The following TBC1D14 variants were observed in gnomAD, a reference collection of about 807,000 sequenced individuals.
TBC1D14 encodes the protein TBC1 domain family member 14.
In TBC1D14, 26 loss-of-function variants were observed where a neutral mutation model predicts 79.0. The ratio of observed to expected loss-of-function variants is 0.33; its 90% CI spans 0.24 to 0.46. The LOEUF is 0.46. Among genes scored for constraint, TBC1D14 ranks in the 20% least tolerant of loss-of-function variants. The pLI is 1.00. For synonymous variants in TBC1D14, 394 were observed against 349.9 expected (o/e 1.13, Z -1.40); for missense variants, 769 against 887.6 (o/e 0.87, Z 1.70).
At position 6,924,024 on chromosome 4, in the gene TBC1D14, G is replaced by A. The variant is rs374524981; in HGVS notation, c.635G>A (p.Arg212His). The A allele has an allele frequency of 9.3e-6, 15 of 1,614,044 alleles. No individual in the cohort carries two copies. The highest frequency in any genetic ancestry group is 5.5e-5 in the South Asian group (5 of 91,090). ...NVTLSSIKETRGLHQQDCVHE... is the reference protein window; with the variant it reads ...NVTLSSIKETHGLHQQDCVHE... ...ACCTTGAGCTCTATCAAGGAAACCC[G>A]TGGCTTACACCAGCAGGACTGTGTT... The change falls in exon 2 of 14, where the codon CGT becomes CAT. Residue 212 changes from arginine (R) to histidine (H), a missense_variant. Arg to His is a conservative substitution (Grantham distance 29, BLOSUM62 0). Coordinates refer to ENST00000409757, the MANE Select transcript of TBC1D14 (RefSeq NM_020773.3).
intron 13 of TBC1D14, among the ~76,000 whole-genome samples, chr4:7,025,646 G>A (rs750915126): frequency 6.6e-6 from 1 of 152,246 alleles, no homozygotes. Flanking sequence ...ACTGAGCCCC[G>A]TGGCCATGCC....
intron 12 of TBC1D14, among the ~76,000 whole-genome samples, chr4:7,023,295 T>TC (rs1449920806): frequency 6.6e-6 from 1 of 152,086 alleles, no homozygotes; most frequent in African/African-American, 2.4e-5. Context: ...TTGTCGTCTT[T>TC]CCCCATCCGT....
intron 13 of TBC1D14, among the ~76,000 whole-genome samples, chr4:7,027,856 ACAG>A (rs1237803372): frequency 1.6e-4 from 22 of 137,722 alleles, no homozygotes; most frequent in African/African-American, 4.7e-4. Context: ...CCACACACAC[ACAG>A]ATCACCCCCA....
intron 3 of TBC1D14, among the ~76,000 whole-genome samples, chr4:6,981,014 CTCTG>C (rs1382502190): frequency 1.4e-5 from 2 of 147,586 alleles, no homozygotes; most frequent in Non-Finnish European, 3.0e-5. Context: ...CGCGCCCGGC[CTCTG>C]TCTCTTTTTT....
At position 7,007,522 on chromosome 4, in the gene TBC1D14, A is replaced by G. The variant is rs373973612; in HGVS notation, c.1446+796A>G. ...TTGTCTGTTCTCACTGCCTTTACTC[A>G]GGTTCTCATCTTTGTGGATTTCCGT... On this transcript the variant is annotated intron_variant, in intron 9 of 13. Coordinates refer to ENST00000409757, the MANE Select transcript of TBC1D14 (RefSeq NM_020773.3). The G allele has an allele frequency of 2.4e-5, 31 of 1,288,872 alleles. No individual in the cohort carries two copies. The Middle Eastern group carries it at 1.5e-3, about 62-fold the overall frequency. The allele number at this position is 1,288,872 out of a possible 1,614,324, so 79.8% of individuals were successfully genotyped here.
chr4:6,925,370 C>T (rs1333543527), intron 2 of TBC1D14, among the ~76,000 whole-genome samples: 1 of 152,152 alleles, frequency 6.6e-6, no homozygotes, highest in Non-Finnish European at 1.5e-5. Context: ...CTGCAGTTGA[C>T]CCTGGCTGCC....
chr4:7,011,387 T>C (rs148923291), intron 11 of TBC1D14, among the ~76,000 whole-genome samples: 162 of 152,062 alleles, frequency 1.1e-3, no homozygotes, highest in African/African-American at 3.6e-3. Flanking sequence ...CTCTGCGCAG[T>C]TCAGGTGAGG....
chr4:6,958,835 C>T (rs529231490), intron 2 of TBC1D14, among the ~76,000 whole-genome samples: 2 of 152,284 alleles, frequency 1.3e-5, no homozygotes, highest in African/African-American at 4.8e-5. Context: ...CTCAAGGTGT[C>T]CGTACCCCTG....
chr4:7,022,801 A>G (rs1179106053), intron 12 of TBC1D14, among the ~76,000 whole-genome samples: 6 of 152,054 alleles, frequency 3.9e-5, no homozygotes, highest in East Asian at 3.8e-4. Context: ...GGAGACTCAC[A>G]CATAAATCTC....
chr4:6,979,058 G>A (rs1047813465), intron 3 of TBC1D14, among the ~76,000 whole-genome samples: 1 of 152,126 alleles, frequency 6.6e-6, no homozygotes, highest in Non-Finnish European at 1.5e-5. Context: ...AGTAGATTGT[G>A]AAAAGTTAAT....
At chr4:6,942,509 TC>T (rs1303919292) in intron 2 of TBC1D14, among the ~76,000 whole-genome samples, 1 of 152,250 alleles carries the variant, frequency 6.6e-6, no homozygotes, top group African/African-American at 2.4e-5. Context: ...GTTTTCCTGT[TC>T]ATTCCCCCTT....
chr4:7,005,229 G>A (rs1282564103), intron 8 of TBC1D14, among the ~76,000 whole-genome samples: 1 of 151,864 alleles, frequency 6.6e-6, no homozygotes, highest in African/African-American at 2.4e-5. Context: ...GTGAAACCCT[G>A]TCTCTACTAA....
At chr4:6,912,595 T>C (rs1723093522) in intron 1 of TBC1D14, among the ~76,000 whole-genome samples, 1 of 152,040 alleles carries the variant, frequency 6.6e-6, no homozygotes, top group Non-Finnish European at 1.5e-5. Flanking sequence ...GAAGAAGCTG[T>C]ACATTGTGGC....
intron 3 of TBC1D14, among the ~76,000 whole-genome samples, chr4:6,978,108 GA>G (rs1404149119): frequency 6.7e-6 from 1 of 149,894 alleles, no homozygotes; most frequent in Non-Finnish European, 1.5e-5. Flanking sequence ...CCCCATCCGG[GA>G]GGGAGGTGGG....
intron 7 of TBC1D14, 147 bp downstream of exon 7, chr4:7,001,398 G>C: frequency 1.4e-6 from 1 of 693,864 alleles, no homozygotes; most frequent in Non-Finnish European, 2.4e-6. Flanking sequence ...AGGAGAGAGG[G>C]GCAGTTGGGA....
intron 3 of TBC1D14, among the ~76,000 whole-genome samples, chr4:6,968,266 A>G (rs1715882554): frequency 6.6e-6 from 1 of 152,140 alleles, no homozygotes; most frequent in Admixed American, 6.6e-5. Context: ...CCCGTGCCCA[A>G]CAGTGTCCCC....
chr4:7,006,799 G>A (rs1190774480), intron 9 of TBC1D14, 73 bp downstream of exon 9: 2 of 1,443,570 alleles, frequency 1.4e-6, no homozygotes, highest in African/African-American at 1.4e-5. Context: ...GTGTATATTT[G>A]TTGTCAAGTT....
intron 3 of TBC1D14, among the ~76,000 whole-genome samples, chr4:6,983,197 C>G (rs1362708055): frequency 1.3e-5 from 2 of 152,094 alleles, no homozygotes; most frequent in African/African-American, 4.8e-5. Flanking sequence ...GTCTTGAACT[C>G]CTGACCTCAA....
At chr4:6,991,833 G>A (rs1718532028) in intron 3 of TBC1D14, among the ~76,000 whole-genome samples, 2 of 152,232 alleles carry the variant, frequency 1.3e-5, no homozygotes, top group South Asian at 2.1e-4. Flanking sequence ...GTCAGCCGCC[G>A]CCACTGTTTG....
Sources: gnomAD v4.1 joint callset for allele counts (sites outside exome capture counted in the v4.1 genomes callset) on GRCh38, gnomAD v4.1.1 for gene constraint, MANE v1.5 for transcripts, NCBI Gene and HGNC (gene_info 2026-07-23, HGNC 2026-07-21) for gene names.